The following MAST4 variants were observed in gnomAD, a reference collection of about 807,000 sequenced individuals.
The protein encoded by MAST4 is microtubule associated serine/threonine kinase family member 4.
A neutral mutation model predicts 162.7 loss-of-function variants in MAST4; 89 were observed. That is an observed-to-expected ratio of 0.55 (90% CI 0.46 to 0.65). The LOEUF (loss-of-function observed/expected upper bound fraction) is 0.65, where lower values mean the gene tolerates loss of function less well. MAST4 is among the 30% of genes least tolerant of loss of function. The pLI is 0.00. For synonymous variants in MAST4, 1,479 were observed against 1,361.1 expected (o/e 1.09, Z -1.91); for missense variants, 3,153 against 3,374.0 (o/e 0.93, Z 1.62).
intron 10 of MAST4, among the ~76,000 whole-genome samples, chr5:67,106,891 G>T (rs1006545663): frequency 6.6e-6 from 1 of 152,160 alleles, no homozygotes; most frequent in Non-Finnish European, 1.5e-5. Context: ...TGGAAGGGAG[G>T]AAGGAAGAAA....
chr5:67,166,348 GCCTTT>G lies in MAST4; in HGVS notation c.7175_7179del (p.Ser2392CysfsTer3), dbSNP rs766364887. 6.2e-7 allele frequency: 1 copy of G among 1,607,944 alleles called. No individual in the cohort carries two copies. The highest frequency in any genetic ancestry group is 1.1e-5 in the South Asian group (1 of 89,818). Reference sequence around the variant, plus strand: ...GCAGAGGGCGACAAGCTCGAGGCCGGCCTTTCCTTTGTGCATAGCGAGAACCGGTT... The same window carrying G: ...GCAGAGGGCGACAAGCTCGAGGCCGGCCTTTGTGCATAGCGAGAACCGGTT... On this transcript the variant is annotated frameshift_variant, in exon 29 of 29. Coordinates refer to ENST00000403625, the MANE Select transcript of MAST4 (RefSeq NM_001164664.2). LOFTEE classifies it low-confidence loss of function (END_TRUNC).
chr5:66,898,272 A>C (rs1421418203), intron 3 of MAST4, among the ~76,000 whole-genome samples: 1 of 152,092 alleles, frequency 6.6e-6, no homozygotes, highest in African/African-American at 2.4e-5. Flanking sequence ...ATGTAGTGAG[A>C]CCTCATCCTA....
chr5:67,165,466 G>A lies in MAST4; in HGVS notation c.6287G>A (p.Gly2096Glu), dbSNP rs565376625. 4 of 1,613,938 alleles carry A rather than the reference G, an allele frequency of 2.5e-6. No homozygotes were observed. The highest frequency in any genetic ancestry group is 4.5e-5 in the East Asian group (2 of 44,876). The change falls in exon 29 of 29, where the codon GGA becomes GAA. Residue 2096 changes from glycine (G) to glutamate (E), a missense_variant. Physicochemically the swap from Gly to Glu is moderately conservative, Grantham distance 98. Coordinates refer to ENST00000403625, the MANE Select transcript of MAST4 (RefSeq NM_001164664.2). ...GCCAGGCGGTCTCTGCAGCCACCTGGAATTGAGAGTGAGAAGAGTGAAAAG... is the reference window on the plus strand; with the variant it reads ...GCCAGGCGGTCTCTGCAGCCACCTGAAATTGAGAGTGAGAAGAGTGAAAAG... ...LLARRSLQPP[G>E]IESEKSEKLS...
chr5:66,767,172 TGTGTG>T (rs1196964758), intron 2 of MAST4, among the ~76,000 whole-genome samples: 95 of 33,992 alleles, frequency 2.8e-3, no homozygotes, highest in African/African-American at 6.4e-3. Flanking sequence ...AAAGTGCACG[TGTGTG>T]TGTGTGTGTG....
At chr5:66,805,850 A>C (rs1054823852) in intron 3 of MAST4, among the ~76,000 whole-genome samples, 1 of 152,204 alleles carries the variant, frequency 6.6e-6, no homozygotes, top group South Asian at 2.1e-4. Context: ...TGTGAGGTCC[A>C]GATCTTCTTT....
chr5:67,141,325 G>A (rs755494015), intron 19 of MAST4, among the ~76,000 whole-genome samples: 10 of 152,152 alleles, frequency 6.6e-5, no homozygotes, highest in Non-Finnish European at 1.2e-4. Context: ...TCAACAATAT[G>A]TGTGCTGGTG....
At chr5:66,992,754 G>A (rs1368194222) in intron 4 of MAST4, among the ~76,000 whole-genome samples, 3 of 152,168 alleles carry the variant, frequency 2.0e-5, no homozygotes, top group Non-Finnish European at 4.4e-5. Context: ...CAGATGAGCT[G>A]ATCTGAAGTC....
intron 5 of MAST4, among the ~76,000 whole-genome samples, chr5:67,087,460 A>G (rs1208977815): frequency 6.6e-6 from 1 of 152,156 alleles, no homozygotes; most frequent in East Asian, 1.9e-4. Context: ...CAGTACCAAT[A>G]AACACAGCTC....
intron 1 of MAST4, among the ~76,000 whole-genome samples, chr5:66,604,077 A>G (rs775470637): frequency 3.9e-5 from 6 of 152,176 alleles, no homozygotes. Context: ...CTGTGCTTCC[A>G]GGGTTAGGAG....
intron 4 of MAST4, chr5:66,986,418 C>T (rs1403089967): frequency 8.2e-6 from 12 of 1,472,240 alleles, no homozygotes; most frequent in Non-Finnish European, 1.0e-5. Context: ...TCATATCACT[C>T]TGTCTTTTTC....
chr5:66,788,433 A>G (rs1285801055), intron 2 of MAST4, among the ~76,000 whole-genome samples: 1 of 152,142 alleles, frequency 6.6e-6, no homozygotes, highest in Non-Finnish European at 1.5e-5. Context: ...TCCTACCTTG[A>G]TGAGGCTACA....
intron 4 of MAST4, among the ~76,000 whole-genome samples, chr5:67,025,642 G>A (rs568327236): frequency 6.6e-6 from 1 of 152,236 alleles, no homozygotes; most frequent in Non-Finnish European, 1.5e-5. Context: ...CATAATTGAG[G>A]GGATGTTATA....
chr5:66,993,928 CCCCA>C (rs1438412876), intron 4 of MAST4, among the ~76,000 whole-genome samples: 31 of 87,052 alleles, frequency 3.6e-4, no homozygotes, highest in African/African-American at 1.4e-3. Context: ...AGACCCCCCC[CCCCA>C]CCCCACCAAA....
chr5:66,675,355 G>A (rs1747876523), intron 1 of MAST4, among the ~76,000 whole-genome samples: 1 of 152,198 alleles, frequency 6.6e-6, no homozygotes, highest in Non-Finnish European at 1.5e-5. Context: ...CACTGCAGTA[G>A]TCCAGAAGAA....
intron 4 of MAST4, among the ~76,000 whole-genome samples, chr5:66,969,116 C>T (rs1231418208): frequency 6.6e-6 from 1 of 152,172 alleles, no homozygotes; most frequent in Admixed American, 6.5e-5. Flanking sequence ...GAATTGGGGG[C>T]TGCTTTTACA....
intron 4 of MAST4, among the ~76,000 whole-genome samples, chr5:66,938,876 A>G (rs928500940): frequency 6.6e-6 from 1 of 152,222 alleles, no homozygotes; most frequent in Admixed American, 6.5e-5. Flanking sequence ...CAAAAAGTCT[A>G]TTAAAGTTCT....
intron 1 of MAST4, among the ~76,000 whole-genome samples, chr5:66,597,714 G>T (rs1343914751): frequency 6.6e-6 from 1 of 152,198 alleles, no homozygotes; most frequent in African/African-American, 2.4e-5. Flanking sequence ...GCGGAGCGGG[G>T]TGGGGGATCT....
intron 1 of MAST4, among the ~76,000 whole-genome samples, chr5:66,717,146 G>A (rs1417186341): frequency 2.0e-5 from 3 of 152,144 alleles, no homozygotes; most frequent in Non-Finnish European, 1.5e-5. Flanking sequence ...CTGGAGGATG[G>A]AGACCCAGGA....
intron 5 of MAST4, among the ~76,000 whole-genome samples, chr5:67,088,840 A>G (rs1581515099): frequency 1.3e-5 from 2 of 152,202 alleles, no homozygotes; most frequent in South Asian, 2.1e-4. Context: ...AGTTAATGTC[A>G]TTTGTTGAAG....
Sources: allele counts gnomAD v4.1 joint callset (sites outside exome capture counted in the v4.1 genomes callset), GRCh38; gene constraint gnomAD v4.1.1; transcripts MANE v1.5; gene names NCBI Gene and HGNC (gene_info 2026-07-23, HGNC 2026-07-21).